HOMER2: variants seen among roughly 807,000 people sequenced by gnomAD.
HOMER2 encodes homer scaffold protein 2.
HOMER2 carries 27 observed loss-of-function variants against 47.0 expected under a neutral mutation model. That is an observed-to-expected ratio of 0.57 (90% CI 0.42 to 0.79). The LOEUF is 0.79. Among genes scored for constraint, HOMER2 ranks in the 30% least tolerant of loss-of-function variants. HOMER2 has a pLI of 0.00. For missense variants in HOMER2, 443 were observed against 435.0 expected (o/e 1.02, Z -0.16); for synonymous variants, 161 against 163.8 (o/e 0.98, Z 0.13).
chr15:82,880,973 G>A (rs1322480716), intron 2 of HOMER2, among the ~76,000 whole-genome samples: 1 of 152,162 alleles, frequency 6.6e-6, no homozygotes, highest in Non-Finnish European at 1.5e-5. Flanking sequence ...CCTCAATGCG[G>A]CAGAATGACT....
At chr15:82,944,314 G>A (rs545214919) in intron 1 of HOMER2, among the ~76,000 whole-genome samples, 44 of 152,148 alleles carry the variant, frequency 2.9e-4, no homozygotes, top group African/African-American at 6.3e-4. Context: ...CTATAAATAC[G>A]ACTTGGGGGC....
chr15:82,890,345 AAAC>A lies in HOMER2; in HGVS notation c.162+2337_162+2339del, dbSNP rs888809853. Among the ~76,000 whole-genome samples, 94 of 152,256 alleles carry A rather than the reference AAAC, an allele frequency of 6.2e-4. 1 individual carries two copies. The highest frequency in any genetic ancestry group is 1.9e-3 in the African/African-American group (80 of 41,534). On this transcript the variant is annotated intron_variant, in intron 2 of 8. Transcript: ENST00000450735. The stretch of plus-strand genomic sequence containing the variant: ...CGACAAAGTGAGACCCTGTCTCAAA[AAAC>A]AACAACAACAACAAAAACCAGGTGG...
chr15:82,892,648 C>T (rs139539138), intron 2 of HOMER2, 37 bp downstream of exon 2: 250 of 1,443,920 alleles, frequency 1.7e-4, no homozygotes, highest in Non-Finnish European at 2.2e-4. Flanking sequence ...GAAAGATAAG[C>T]AACTGGGAGT....
intron 2 of HOMER2, among the ~76,000 whole-genome samples, chr15:82,876,850 C>T (rs2052364595): frequency 6.6e-6 from 1 of 152,218 alleles, no homozygotes; most frequent in Non-Finnish European, 1.5e-5. Context: ...CTTCCAGATA[C>T]AAACCGTTGC....
intron 4 of HOMER2, among the ~76,000 whole-genome samples, chr15:82,861,648 TAATC>T (rs529009722): frequency 1.1e-4 from 17 of 152,340 alleles, no homozygotes; most frequent in African/African-American, 2.9e-4. Flanking sequence ...TTTGAAAACT[TAATC>T]AAAGTGTTCA....
At chr15:82,936,782 C>T (rs1212273142) in intron 1 of HOMER2, among the ~76,000 whole-genome samples, 1 of 151,038 alleles carries the variant, frequency 6.6e-6, no homozygotes, top group Non-Finnish European at 1.5e-5. Context: ...TCTCCATGAA[C>T]TCCTGAGCTC....
chr15:82,966,767 A>C (rs1351350600), intron 1 of HOMER2, among the ~76,000 whole-genome samples: 1 of 152,198 alleles, frequency 6.6e-6, no homozygotes, highest in Non-Finnish European at 1.5e-5. Context: ...CAGTGAGCAA[A>C]GTTGTTTCTC....
At chr15:82,848,735 G>C (rs564040020), downstream of HOMER2, among the ~76,000 whole-genome samples, 2 of 152,346 alleles carry the variant, frequency 1.3e-5, no homozygotes, top group African/African-American at 4.8e-5. Flanking sequence ...TAGGGGAGAA[G>C]GTGATTCGAG....
intron 7 of HOMER2, 27 bp downstream of exon 7, chr15:82,852,115 G>T (rs375281424): frequency 6.5e-7 from 1 of 1,550,354 alleles, no homozygotes; most frequent in Non-Finnish European, 8.9e-7. Flanking sequence ...GACGCCAAGG[G>T]GCCCTGCTCG....
intron 1 of HOMER2, among the ~76,000 whole-genome samples, chr15:82,915,257 G>A (rs752952601): frequency 1.3e-4 from 20 of 151,892 alleles, no homozygotes; most frequent in Non-Finnish European, 2.1e-4. Flanking sequence ...GGCTAAAATG[G>A]TAATGTTTAT....
At chr15:82,929,612 C>T (rs1343499607) in intron 1 of HOMER2, among the ~76,000 whole-genome samples, 1 of 135,736 alleles carries the variant, frequency 7.4e-6, no homozygotes, top group African/African-American at 2.8e-5. Context: ...GCCGAGATCG[C>T]GTCACTGCAC....
intron 1 of HOMER2, among the ~76,000 whole-genome samples, chr15:82,965,056 A>G (rs2054661302): frequency 6.6e-6 from 1 of 152,078 alleles, no homozygotes; most frequent in Admixed American, 6.6e-5. Context: ...GTCTCACTGC[A>G]TTGTCCAGGC....
At chr15:82,944,579 A>G (rs1172256828) in intron 1 of HOMER2, among the ~76,000 whole-genome samples, 1 of 152,142 alleles carries the variant, frequency 6.6e-6, no homozygotes, top group Non-Finnish European at 1.5e-5. Flanking sequence ...ATGCTATTTG[A>G]CTGCTGTTCA....
intron 1 of HOMER2, among the ~76,000 whole-genome samples, chr15:82,918,389 T>C (rs528693361): frequency 6.6e-6 from 1 of 152,228 alleles, no homozygotes; most frequent in Non-Finnish European, 1.5e-5. Context: ...AGTGTGATCA[T>C]GTTGGGACAG....
chr15:82,881,017 G>A (rs1033108249), intron 2 of HOMER2, among the ~76,000 whole-genome samples: 3 of 152,320 alleles, frequency 2.0e-5, no homozygotes, highest in African/African-American at 7.2e-5. Context: ...CCTGGAGAGA[G>A]GGGAGAACGG....
intron 1 of HOMER2, among the ~76,000 whole-genome samples, chr15:82,902,067 T>C (rs944814703): frequency 6.6e-6 from 1 of 152,234 alleles, no homozygotes; most frequent in Non-Finnish European, 1.5e-5. Flanking sequence ...CTGTAGATGG[T>C]ATGGTTAACA....
chr15:82,934,364 C>A (rs140850613), intron 1 of HOMER2, among the ~76,000 whole-genome samples: 6 of 152,122 alleles, frequency 3.9e-5, no homozygotes, highest in Admixed American at 3.9e-4. Context: ...GGACTCAGTT[C>A]CTCAGCCTCT....
chr15:82,957,936 C>G (rs1452102846), downstream of HOMER2, among the ~76,000 whole-genome samples: 2 of 152,200 alleles, frequency 1.3e-5, no homozygotes, highest in East Asian at 3.8e-4. Context: ...CTCCCGGGTT[C>G]AAGCGATTCT....
At position 82,855,373 on chromosome 15, in the gene HOMER2, A is replaced by G. The variant is rs966450100; in HGVS notation, c.495-573T>C. ...AAGAAAACACAATTCTTCACGAATGAAGAGACAAAGCTAGGCATGAGGGCT... is the reference window on the plus strand; with the variant it reads ...AAGAAAACACAATTCTTCACGAATGGAGAGACAAAGCTAGGCATGAGGGCT... On this transcript the variant is annotated intron_variant, in intron 5 of 8. Transcript: ENST00000450735. Among the ~76,000 whole-genome samples, 9 of 150,686 alleles carry G rather than the reference A, an allele frequency of 6.0e-5. 1 individual carries two copies. The highest frequency in any genetic ancestry group is 5.9e-4 in the Admixed American group (9 of 15,172).
Sources: allele counts gnomAD v4.1 joint callset (sites outside exome capture counted in the v4.1 genomes callset), GRCh38; gene constraint gnomAD v4.1.1; transcripts MANE v1.5; gene names NCBI Gene and HGNC (gene_info 2026-07-23, HGNC 2026-07-21).